Variants in EYS observed in about 807,000 individuals in gnomAD.
EYS encodes the protein protein eyes shut homolog.
A neutral mutation model predicts 282.1 loss-of-function variants in EYS; 250 were observed. The observed-to-expected ratio is 0.89, with a 90% confidence interval of 0.80 to 0.98. The LOEUF (loss-of-function observed/expected upper bound fraction) is 0.98, where lower values mean the gene tolerates loss of function less well. Ranked by LOEUF, EYS falls within the 50% of genes least tolerant of loss-of-function variation. The pLI is 0.00. For synonymous variants in EYS, 1,355 were observed against 1,282.9 expected (o/e 1.06, Z -1.20); for missense variants, 4,016 against 3,709.0 (o/e 1.08, Z -2.15).
chr6:64,402,112 G>A (rs1773554532), intron 28 of EYS, among the ~76,000 whole-genome samples: 1 of 151,994 alleles, frequency 6.6e-6, no homozygotes, highest in African/African-American at 2.4e-5. Context: ...TTTGCCAACT[G>A]ATATATTACT....
chr6:64,976,856 G>C (rs1048716642), intron 14 of EYS, among the ~76,000 whole-genome samples: 1 of 151,530 alleles, frequency 6.6e-6, no homozygotes, highest in East Asian at 1.9e-4. Context: ...GAAGGTTTGT[G>C]GGAATCCTGT....
intron 22 of EYS, among the ~76,000 whole-genome samples, chr6:64,749,674 T>C (rs1344029593): frequency 6.6e-6 from 1 of 152,146 alleles, no homozygotes. Context: ...CTGCAGAAAT[T>C]TGATTCTGTT....
intron 12 of EYS, among the ~76,000 whole-genome samples, chr6:65,096,452 T>C (rs1774742811): frequency 6.6e-6 from 1 of 150,890 alleles, no homozygotes; most frequent in Non-Finnish European, 1.5e-5. Flanking sequence ...GAAATCCCTG[T>C]CAAAATCCCA....
intron 24 of EYS, among the ~76,000 whole-genome samples, chr6:64,605,577 T>C (rs1429491406): frequency 6.6e-6 from 1 of 151,836 alleles, no homozygotes; most frequent in African/African-American, 2.4e-5. Context: ...CCTCTGAATT[T>C]TTTTTTTCTA....
intron 2 of EYS, among the ~76,000 whole-genome samples, chr6:65,535,653 C>G (rs927701110): frequency 1.3e-5 from 2 of 152,096 alleles, no homozygotes; most frequent in African/African-American, 4.8e-5. Context: ...AGAAGAAAGG[C>G]CAATATTCCA....
chr6:63,744,863 C>G (rs113531965), intron 41 of EYS: 8 of 286,998 alleles, frequency 2.8e-5, no homozygotes, highest in South Asian at 1.7e-4. Flanking sequence ...CCACTGCGCC[C>G]GGCCAGATGG....
At chr6:65,439,775 C>T in intron 5 of EYS, among the ~76,000 whole-genome samples, 1 of 151,970 alleles carries the variant, frequency 6.6e-6, no homozygotes. Context: ...CAATTTCAAC[C>T]CCAATCATGC....
chr6:63,957,381 G>A (rs1765872095), intron 35 of EYS, among the ~76,000 whole-genome samples: 1 of 140,786 alleles, frequency 7.1e-6, no homozygotes, highest in African/African-American at 2.4e-5. Context: ...GACTTAAAAT[G>A]TTGTCTCTGT....
At chr6:64,946,996 C>A (rs1005091436) in intron 14 of EYS, among the ~76,000 whole-genome samples, 1 of 151,730 alleles carries the variant, frequency 6.6e-6, no homozygotes, top group East Asian at 1.9e-4. Context: ...TTAGATAATG[C>A]CAGCCCAGTT....
At chr6:64,659,312 C>T (rs1480545339) in intron 22 of EYS, among the ~76,000 whole-genome samples, 2 of 152,064 alleles carry the variant, frequency 1.3e-5, no homozygotes, top group African/African-American at 4.8e-5. Flanking sequence ...ACCCTAACAT[C>T]ACAATTAAAA....
chr6:65,694,143 C>A lies in EYS; in HGVS notation c.-448+12992G>T, dbSNP rs12204750. On this transcript the variant is annotated intron_variant, in intron 1 of 42. Transcript: ENST00000503581. ...ACATGCCTGTCTGTAATCCCAGCTA[C>A]GCTACTCAGGAGGCTGAGGCAGGAG... Among the ~76,000 whole-genome samples the A allele has an allele frequency of 2.8e-3, 417 of 149,654 alleles. 17 individuals are homozygous for A. Among genetic ancestry groups the A allele is most frequent in the African/African-American group, 9.8e-3 (402 of 41,176 alleles).
intron 12 of EYS, among the ~76,000 whole-genome samples, chr6:65,260,949 T>C (rs1224095232): frequency 2.0e-5 from 3 of 152,112 alleles, no homozygotes; most frequent in Admixed American, 1.3e-4. Flanking sequence ...TACACTTCTA[T>C]TTACTATTTT....
At chr6:64,934,284 T>A (rs1210037209) in intron 15 of EYS, among the ~76,000 whole-genome samples, 2 of 150,584 alleles carry the variant, frequency 1.3e-5, no homozygotes, top group African/African-American at 4.9e-5. Flanking sequence ...AATAAATAAA[T>A]GAGTAGATCC....
At chr6:64,741,480 T>A (rs1772370198) in intron 22 of EYS, among the ~76,000 whole-genome samples, 1 of 152,186 alleles carries the variant, frequency 6.6e-6, no homozygotes, top group Non-Finnish European at 1.5e-5. Flanking sequence ...ACTAGCTGCA[T>A]CAGCCCCTAG....
intron 30 of EYS, among the ~76,000 whole-genome samples, chr6:64,283,744 A>AT (rs1255857729): frequency 1.3e-5 from 2 of 152,114 alleles, no homozygotes; most frequent in African/African-American, 4.8e-5. Flanking sequence ...ACAGTTCCAC[A>AT]TGGCTGGGGA....
At chr6:64,297,977 CAAAAAAAA>C (rs34562408) in intron 30 of EYS, among the ~76,000 whole-genome samples, 2 of 96,456 alleles carry the variant, frequency 2.1e-5, no homozygotes, top group Admixed American at 1.1e-4. Context: ...GATTCTGTCT[CAAAAAAAA>C]AAAAAAAAAA....
intron 32 of EYS, among the ~76,000 whole-genome samples, chr6:64,073,905 C>G (rs567359325): frequency 6.6e-6 from 1 of 151,712 alleles, no homozygotes; most frequent in East Asian, 1.9e-4. Flanking sequence ...AAGAGTTTAC[C>G]ATTAAGTCGT....
chr6:65,334,436 T>A (rs1307589740), intron 11 of EYS, among the ~76,000 whole-genome samples: 1 of 151,588 alleles, frequency 6.6e-6, no homozygotes, highest in Non-Finnish European at 1.5e-5. Flanking sequence ...CCTGGCTGAT[T>A]TTTTTAAGTT....
chr6:64,403,355 C>A (rs1041596889), intron 28 of EYS, among the ~76,000 whole-genome samples: 6 of 151,686 alleles, frequency 4.0e-5, no homozygotes, highest in Non-Finnish European at 8.8e-5. Context: ...ATAAAAAAAA[C>A]AAAGTAATTT....
Sources: gnomAD v4.1 joint callset for allele counts (sites outside exome capture counted in the v4.1 genomes callset) on GRCh38, gnomAD v4.1.1 for gene constraint, MANE v1.5 for transcripts, NCBI Gene and HGNC (gene_info 2026-07-23, HGNC 2026-07-21) for gene names.